The following L3MBTL4 variants were observed in gnomAD, a reference collection of about 807,000 sequenced individuals.
L3MBTL4 encodes the protein L3MBTL histone methyl-lysine binding protein 4, also known as lethal(3)malignant brain tumor-like protein 4.
L3MBTL4 carries 70 observed loss-of-function variants against 84.5 expected under a neutral mutation model. That is an observed-to-expected ratio of 0.83 (90% CI 0.68 to 1.01). The LOEUF (loss-of-function observed/expected upper bound fraction) is 1.01, where lower values mean the gene tolerates loss of function less well. L3MBTL4 is among the 50% of genes least tolerant of loss of function. L3MBTL4 has a pLI of 0.00. For missense variants in L3MBTL4, 715 were observed against 754.8 expected (o/e 0.95, Z 0.62); for synonymous variants, 274 against 259.8 (o/e 1.05, Z -0.52).
intron 1 of L3MBTL4, among the ~76,000 whole-genome samples, chr18:6,339,084 A>C (rs1382563526): frequency 6.6e-6 from 1 of 152,200 alleles, no homozygotes; most frequent in Non-Finnish European, 1.5e-5. Flanking sequence ...AATAGCTTAT[A>C]AAACAACCAG....
At chr18:6,082,711 T>A (rs1295282454) in intron 15 of L3MBTL4, among the ~76,000 whole-genome samples, 1 of 152,234 alleles carries the variant, frequency 6.6e-6, no homozygotes, top group African/African-American at 2.4e-5. Context: ...TTTATGGGTA[T>A]TTTAAAAAAC....
At chr18:6,387,093 G>T (rs934611216) in intron 1 of L3MBTL4, among the ~76,000 whole-genome samples, 1 of 152,148 alleles carries the variant, frequency 6.6e-6, no homozygotes, top group South Asian at 2.1e-4. Flanking sequence ...CAGAGAAAAA[G>T]AAATGACTCC....
chr18:5,995,886 T>G (rs913044522), intron 16 of L3MBTL4, among the ~76,000 whole-genome samples: 2 of 152,214 alleles, frequency 1.3e-5, no homozygotes, highest in South Asian at 4.1e-4. Flanking sequence ...TTAGCAACGC[T>G]GTCTTTGTTA....
At chr18:6,117,204 CA>C (rs2144229014) in intron 14 of L3MBTL4, among the ~76,000 whole-genome samples, 1 of 152,262 alleles carries the variant, frequency 6.6e-6, no homozygotes, top group African/African-American at 2.4e-5. Flanking sequence ...AATTTATAGA[CA>C]GGTGACTGAC....
rs546551982 is a variant in L3MBTL4, at chr18:6,029,538, G to A, written c.1444+51343C>T. 31 of 985,238 alleles carry A rather than the reference G, an allele frequency of 3.1e-5. No individual in the cohort carries two copies. The East Asian group carries it at 2.2e-3, about 69-fold the overall frequency. The allele number at this position is 985,238 out of a possible 1,614,324, so 61.0% of individuals were successfully genotyped here. A position where few individuals can be genotyped will look rare whatever the true frequency, so the allele number is the denominator to read the frequency against. On this transcript the variant is annotated intron_variant, in intron 16 of 18. Coordinates refer to ENST00000317931, the MANE Select transcript of L3MBTL4 (RefSeq NM_001330559.2). ...ACAATCTTAGGTGGAGGACATCAAGGAAGAAATACGTCCATTTATTGCAGC... is the reference window on the plus strand; with the variant it reads ...ACAATCTTAGGTGGAGGACATCAAGAAAGAAATACGTCCATTTATTGCAGC...
intron 1 of L3MBTL4, among the ~76,000 whole-genome samples, chr18:6,344,474 A>C (rs940819962): frequency 6.6e-6 from 1 of 152,230 alleles, no homozygotes; most frequent in African/African-American, 2.4e-5. Flanking sequence ...AAGAACTAAC[A>C]CCAATCCTTC....
intron 12 of L3MBTL4, among the ~76,000 whole-genome samples, chr18:6,174,696 C>T (rs1049111539): frequency 3.3e-5 from 5 of 149,626 alleles, no homozygotes; most frequent in Admixed American, 3.3e-4. Context: ...ACGGTGAAGC[C>T]CCATCTCTAC....
At position 6,359,157 on chromosome 18, in the gene L3MBTL4, A is replaced by G. The variant is rs536679137; in HGVS notation, c.-90-47101T>C. 6.6e-5 allele frequency among the ~76,000 whole-genome samples: 10 copies of G among 152,362 alleles called. No homozygotes were observed. The South Asian group carries it at 1.7e-3, about 25-fold the overall frequency. ...TTAATTCTCAGGCCAACATTTAATA[A>G]TACATCATAACCTCAAACACAGCTG... On this transcript the variant is annotated intron_variant, in intron 1 of 18. Coordinates refer to ENST00000317931, the MANE Select transcript of L3MBTL4 (RefSeq NM_001330559.2).
At chr18:5,967,007 G>T (rs1481351773) in intron 17 of L3MBTL4, among the ~76,000 whole-genome samples, 1 of 152,102 alleles carries the variant, frequency 6.6e-6, no homozygotes, top group Non-Finnish European at 1.5e-5. Flanking sequence ...CACTTCCTGG[G>T]TGTCTCCTTC....
intron 16 of L3MBTL4, among the ~76,000 whole-genome samples, chr18:6,047,110 T>A (rs1433617045): frequency 6.6e-6 from 1 of 152,086 alleles, no homozygotes. Context: ...TCAGAGACTA[T>A]TATGAACATC....
intron 11 of L3MBTL4, 62 bp downstream of exon 11, chr18:6,215,688 G>T: frequency 1.2e-6 from 1 of 821,732 alleles, no homozygotes; most frequent in Non-Finnish European, 1.9e-6. Context: ...ACTGCCAAAT[G>T]TAGGCATGAC....
Position 6,127,451 on chromosome 18 carries a change from G to C in L3MBTL4, c.1199+10743C>G, listed in dbSNP as rs573619758. Among the ~76,000 whole-genome samples, 67 of 152,226 alleles carry C rather than the reference G, an allele frequency of 4.4e-4. 2 individuals are homozygous for C. The South Asian group carries it at 0.013, about 31-fold the overall frequency. On this transcript the variant is annotated intron_variant, in intron 14 of 18. Coordinates refer to ENST00000317931, the MANE Select transcript of L3MBTL4 (RefSeq NM_001330559.2). ...ATTGTGATGACTTAGAACAACTAGA[G>C]AGAATACGAAATAAAACCATAAACT...
intron 14 of L3MBTL4, among the ~76,000 whole-genome samples, chr18:6,104,991 A>G (rs1851313231): frequency 1.3e-5 from 2 of 152,242 alleles, no homozygotes; most frequent in Admixed American, 1.3e-4. Flanking sequence ...CTCTTTAAAA[A>G]CAGCTGTTTT....
At chr18:6,004,935 C>CA (rs1360206023) in intron 16 of L3MBTL4, among the ~76,000 whole-genome samples, 1 of 139,884 alleles carries the variant, frequency 7.1e-6, no homozygotes, top group Non-Finnish European at 1.5e-5. Flanking sequence ...ATGCTGGTCT[C>CA]ACAACAACAA....
At position 6,128,039 on chromosome 18, in the gene L3MBTL4, G is replaced by GC. The variant is rs1233594139; in HGVS notation, c.1199+10154_1199+10155insG. ...TCAAAACAAAAATATTGGGTGGGGC[G>GC]GGGGAAGAGTCAATGCAGGGAGCAG... On this transcript the variant is annotated intron_variant, in intron 14 of 18. Transcript: ENST00000317931. Among the ~76,000 whole-genome samples, 154 of 129,056 alleles carry GC rather than the reference G, an allele frequency of 1.2e-3. 3 individuals are homozygous for GC. Among genetic ancestry groups the GC allele is most frequent in the African/African-American group, 4.7e-3 (150 of 32,030 alleles). The allele number at this position is 129,056 out of a possible 152,430, so 84.7% of individuals were successfully genotyped here.
intron 4 of L3MBTL4, among the ~76,000 whole-genome samples, chr18:6,265,246 C>G (rs1427604343): frequency 6.6e-6 from 1 of 152,166 alleles, no homozygotes; most frequent in Non-Finnish European, 1.5e-5. Flanking sequence ...TTTCTTTGTG[C>G]TTTCTTTTTC....
chr18:5,969,371 G>T, intron 17 of L3MBTL4, 22 bp downstream of exon 17: 1 of 1,613,002 alleles, frequency 6.2e-7, no homozygotes, highest in Non-Finnish European at 8.5e-7. Flanking sequence ...CCCAGCCCTG[G>T]CCCCCCAGCA....
At chr18:6,261,666 A>G (rs1425618225) in intron 5 of L3MBTL4, among the ~76,000 whole-genome samples, 2 of 152,222 alleles carry the variant, frequency 1.3e-5, no homozygotes, top group African/African-American at 2.4e-5. Flanking sequence ...TATTTCAGGA[A>G]CAGAAATCCC....
Position 6,172,076 on chromosome 18 carries a change from T to G in L3MBTL4, c.982-134A>C, listed in dbSNP as rs887374275. On this transcript the variant is annotated intron_variant, in intron 12 of 18. Coordinates refer to ENST00000317931, the MANE Select transcript of L3MBTL4 (RefSeq NM_001330559.2). ...ATCACACCTTGCAGTTGAAATAATA[T>G]TTAATATGTGCCATTCTATAGCCTT... is the stretch of plus-strand genomic sequence containing the variant. 4 of 523,268 alleles carry G rather than the reference T, an allele frequency of 7.6e-6. No homozygotes were observed. In the South Asian group the frequency reaches 8.1e-5, roughly 11 times the overall value. 32.4% of individuals were successfully genotyped at this position (523,268 alleles called of 1,614,324 possible). A position where few individuals can be genotyped will look rare whatever the true frequency, so the allele number is the denominator to read the frequency against.
Sources: allele counts gnomAD v4.1 joint callset (sites outside exome capture counted in the v4.1 genomes callset), GRCh38; gene constraint gnomAD v4.1.1; transcripts MANE v1.5; gene names NCBI Gene and HGNC (gene_info 2026-07-23, HGNC 2026-07-21).